CD99L2: variants seen among roughly 807,000 people sequenced by gnomAD.
CD99L2 encodes CD99 antigen-like protein 2.
In CD99L2, 24 loss-of-function variants were observed where a neutral mutation model predicts 27.3. That is an observed-to-expected ratio of 0.88 (90% CI 0.64 to 1.24). The LOEUF (loss-of-function observed/expected upper bound fraction) is 1.24. CD99L2 is among the 50% of genes most tolerant of loss of function. CD99L2 has a pLI of 0.00. For synonymous variants in CD99L2, 97 were observed against 87.9 expected (o/e 1.10, Z -0.58); for missense variants, 255 against 221.6 (o/e 1.15, Z -0.96).
rs1418197250 is a variant in CD99L2 at position 150,885,377 on chromosome X, CAAA to C, written c.67+13142_67+13144del. 1.9e-4 allele frequency among the ~76,000 whole-genome samples: 21 copies of C among 108,759 alleles called. 1 individual carries two copies. Among genetic ancestry groups the C allele is most frequent in the African/African-American group, 2.8e-4 (8 of 28,784 alleles). 94.4% of individuals were successfully genotyped at this position (108,759 alleles called of 115,157 possible). A position where few individuals can be genotyped will look rare whatever the true frequency, so the allele number is the denominator to read the frequency against. On this transcript the variant is annotated intron_variant, in intron 1 of 10. Coordinates refer to ENST00000370377, the MANE Select transcript of CD99L2 (RefSeq NM_031462.4). ...CACTTCTACAAAAAAACAACAACAA[CAAA>C]AAAACAACAACAACAACAACAAAAA...
At chrX:150,813,510 G>A (rs897259921) in intron 4 of CD99L2, among the ~76,000 whole-genome samples, 11 of 111,973 alleles carry the variant, frequency 9.8e-5, no homozygotes, top group African/African-American at 9.7e-5. Context: ...CTTCAGCAGC[G>A]CAGGGAAACC....
At chrX:150,838,428 T>C (rs782657522) in intron 1 of CD99L2, among the ~76,000 whole-genome samples, 2 of 111,814 alleles carry the variant, frequency 1.8e-5, no homozygotes, top group South Asian at 7.4e-4. Context: ...TAATATAAAA[T>C]GTTAATAGGG....
intron 1 of CD99L2, among the ~76,000 whole-genome samples, chrX:150,850,614 C>A (rs1334449351): frequency 1.8e-5 from 2 of 112,217 alleles, no homozygotes; most frequent in African/African-American, 6.5e-5. Context: ...ACAAATGTTG[C>A]AACAAAGGAT....
In CD99L2 at chrX:150,824,560, A is replaced by AG. The variant is rs1557420839; in HGVS notation, c.130+6670dup. The stretch of plus-strand genomic sequence containing the variant: ...AAGAAGGAAGAAGGAAGAAGAAGAA[A>AG]GAAGGAGGAGGAGGAGGAGGAGAAG... On this transcript the variant is annotated intron_variant, in intron 2 of 10. Coordinates refer to ENST00000370377, the MANE Select transcript of CD99L2 (RefSeq NM_031462.4). Among the ~76,000 whole-genome samples the AG allele has an allele frequency of 5.2e-3, 440 of 85,247 alleles. 7 individuals carry two copies. The highest frequency in any genetic ancestry group is 0.014 in the Middle Eastern group (2 of 142). 74.0% of individuals were successfully genotyped at this position (85,247 alleles called of 115,157 possible).
chrX:150,831,608 T>C (rs2046445663), intron 1 of CD99L2, among the ~76,000 whole-genome samples: 2 of 109,186 alleles, frequency 1.8e-5, no homozygotes, highest in African/African-American at 3.4e-5. Flanking sequence ...GAGTGGAGGG[T>C]GGGAGGAGGG....
chrX:150,772,219 G>C (rs1390972490), intron 9 of CD99L2, among the ~76,000 whole-genome samples: 1 of 112,821 alleles, frequency 8.9e-6, no homozygotes, highest in Non-Finnish European at 1.9e-5. Flanking sequence ...TGTACACGCA[G>C]CCCCGCCACG....
chrX:150,869,815 G>A (rs1445671174), intron 1 of CD99L2, among the ~76,000 whole-genome samples: 2 of 110,974 alleles, frequency 1.8e-5, no homozygotes, highest in Non-Finnish European at 3.8e-5. Flanking sequence ...ATATAAGCAA[G>A]TAGTTTTAAA....
At chrX:150,833,919 T>C (rs140401913) in intron 1 of CD99L2, among the ~76,000 whole-genome samples, 152 of 111,196 alleles carry the variant, frequency 1.4e-3, no homozygotes, top group African/African-American at 4.9e-3. Flanking sequence ...AAAGTGAAAG[T>C]AGACAAATGA....
At chrX:150,870,015 C>T (rs1557422148) in intron 1 of CD99L2, among the ~76,000 whole-genome samples, 1 of 111,131 alleles carries the variant, frequency 9.0e-6, no homozygotes, top group Non-Finnish European at 1.9e-5. Context: ...ACAACCTTTG[C>T]TATAATTTTA....
chrX:150,887,014 A>G (rs1603321687), intron 1 of CD99L2, among the ~76,000 whole-genome samples: 1 of 110,214 alleles, frequency 9.1e-6, no homozygotes, highest in African/African-American at 3.3e-5. Flanking sequence ...GTATGGTATC[A>G]CATGTTTGTG....
At chrX:150,775,052 G>C (rs1471099388) in intron 9 of CD99L2, among the ~76,000 whole-genome samples, 3 of 112,451 alleles carry the variant, frequency 2.7e-5, no homozygotes, top group Non-Finnish European at 5.6e-5. Context: ...GTGTCGCCCT[G>C]GTCAAGAATG....
chrX:150,786,700 A>C (rs2045600211), intron 7 of CD99L2, among the ~76,000 whole-genome samples: 1 of 111,830 alleles, frequency 8.9e-6, no homozygotes, highest in South Asian at 3.7e-4. Context: ...ATGTGTCTTT[A>C]TGATAGAGCA....
intron 4 of CD99L2, among the ~76,000 whole-genome samples, chrX:150,801,649 C>T (rs1263623290): frequency 1.8e-5 from 2 of 111,101 alleles, no homozygotes; most frequent in Non-Finnish European, 3.8e-5. Context: ...AGACTAATGT[C>T]TCTCATCAAT....
At position 150,873,708 on chromosome X, in the gene CD99L2, T is replaced by C. The variant is rs191128498; in HGVS notation, c.67+24814A>G. ...GTCTACCATCTAAAACTGAGGCTGG[T>C]CTGCATAACAGGAAGGGAGAAGAGG... On this transcript the variant is annotated intron_variant, in intron 1 of 10. Coordinates refer to ENST00000370377, the MANE Select transcript of CD99L2 (RefSeq NM_031462.4). 5.1e-3 allele frequency among the ~76,000 whole-genome samples: 569 copies of C among 111,441 alleles called. 7 individuals are homozygous for C. Among genetic ancestry groups the C allele is most frequent in the Middle Eastern group, 0.014 (3 of 217 alleles).
chrX:150,835,107 GA>G (rs1557421157), intron 1 of CD99L2, among the ~76,000 whole-genome samples: 2 of 111,918 alleles, frequency 1.8e-5, no homozygotes, highest in South Asian at 7.5e-4. Context: ...TGGGGAAAGG[GA>G]AAGTGTTGAT....
chrX:150,877,196 C>T (rs2047243285), intron 1 of CD99L2, among the ~76,000 whole-genome samples: 2 of 109,733 alleles, frequency 1.8e-5, no homozygotes. Context: ...GAATTTACTA[C>T]ATTAACAGGT....
At chrX:150,781,890 C>A (rs2045518226) in intron 7 of CD99L2, among the ~76,000 whole-genome samples, 1 of 112,162 alleles carries the variant, frequency 8.9e-6, no homozygotes, top group Non-Finnish European at 1.9e-5. Flanking sequence ...AAGCGTCAGA[C>A]CCTCAGCATC....
chrX:150,768,966 G>A lies in CD99L2; in HGVS notation c.*68C>T, dbSNP rs1038938067. The A allele has an allele frequency of 4.9e-5, 54 of 1,102,016 alleles. No individual in the cohort carries two copies. The Middle Eastern group carries it at 1.8e-3, about 38-fold the overall frequency. 90.8% of individuals were successfully genotyped at this position (1,102,016 alleles called of 1,213,427 possible). On this transcript the variant is annotated 3_prime_UTR_variant, in exon 11 of 11. Coordinates refer to ENST00000370377, the MANE Select transcript of CD99L2 (RefSeq NM_031462.4). ...CAGCACAGCAGCTGCGGGTCCAAAT[G>A]AAGGGGTGGGGGGAGCCGGGTGACA...
At chrX:150,824,647 A>AGAAGAAGAAGAAGAAGAAGAG (rs2020089287) in intron 2 of CD99L2, among the ~76,000 whole-genome samples, 3 of 87,170 alleles carry the variant, frequency 3.4e-5, no homozygotes, top group South Asian at 6.6e-4. Context: ...GAGGAGAAGA[A>AGAAGAAGAAGAAGAAGAAGAG]GAAGAAGAAG....
Sources: allele counts gnomAD v4.1 joint callset (sites outside exome capture counted in the v4.1 genomes callset), GRCh38; gene constraint gnomAD v4.1.1; transcripts MANE v1.5; gene names NCBI Gene and HGNC (gene_info 2026-07-23, HGNC 2026-07-21).